TTF1: variants seen among roughly 807,000 people sequenced by gnomAD.
TTF1 encodes transcription termination factor, RNA polymerase I.
TTF1 carries 64 observed loss-of-function variants against 80.2 expected under a neutral mutation model. That is an observed-to-expected ratio of 0.80 (90% CI 0.65 to 0.98). The LOEUF is 0.98. Among genes scored for constraint, TTF1 ranks in the 50% least tolerant of loss-of-function variants. The pLI is 0.00. For synonymous variants in TTF1, 372 were observed against 382.7 expected (o/e 0.97, Z 0.33); for missense variants, 1,023 against 1,086.2 (o/e 0.94, Z 0.82).
At chr9:132,393,298 A>C (rs114494260) in intron 5 of TTF1, among the ~76,000 whole-genome samples, 1 of 150,824 alleles carries the variant, frequency 6.6e-6, no homozygotes, top group African/African-American at 2.4e-5. Context: ...CATAAACAGA[A>C]TCTCTGCAGC....
Position 132,396,095 on chromosome 9 carries a change from C to T in TTF1, c.1856+338G>A, listed in dbSNP as rs79587842. Among the ~76,000 whole-genome samples the T allele has an allele frequency of 9.6e-3, 1,457 of 152,226 alleles. 28 individuals carry two copies. The highest frequency in any genetic ancestry group is 0.034 in the African/African-American group (1,394 of 41,530). On this transcript the variant is annotated intron_variant, in intron 5 of 10. Transcript: ENST00000334270. ...GCTAAGTGCTGAATGGAACATGTGTCGAGATGGGATGTTTGGGTTCACAAG... is the reference window on the plus strand; with the variant it reads ...GCTAAGTGCTGAATGGAACATGTGTTGAGATGGGATGTTTGGGTTCACAAG...
intron 3 of TTF1, among the ~76,000 whole-genome samples, 173 bp downstream of exon 3, chr9:132,399,862 T>C (rs1392267842): frequency 6.6e-6 from 1 of 152,198 alleles, no homozygotes; most frequent in Non-Finnish European, 1.5e-5. Context: ...GAAAAGCAAG[T>C]GCACTTTATT....
intron 10 of TTF1, among the ~76,000 whole-genome samples, chr9:132,376,921 ACTC>A (rs1849189482): frequency 6.6e-6 from 1 of 151,242 alleles, no homozygotes; most frequent in East Asian, 1.9e-4. Flanking sequence ...ATGGTCTTGA[ACTC>A]CTCGTCTTAC....
intron 10 of TTF1, among the ~76,000 whole-genome samples, chr9:132,378,021 TGTGAGTGCATGTG>T (rs1849263354): frequency 8.0e-6 from 1 of 124,964 alleles, no homozygotes; most frequent in African/African-American, 3.2e-5. Context: ...ATGCATGTGG[TGTGAGTGCATGTG>T]GTGTGTGTGT....
At position 132,376,067 on chromosome 9, in the gene TTF1, G is replaced by A; in HGVS notation, c.2566C>T (p.Pro856Ser). ...KGTKIQTPAA[P>S]KQVFPFRDIF... is the part of the protein sequence containing the mutation. ...TCTCGAAATGGGAAAACTTGCTTGG[G>A]TGCTGCAGGAGTCTGGATTTTAGTG... is the stretch of plus-strand genomic sequence containing the variant. Residue 856 changes from proline (P) to serine (S), a missense_variant, in exon 11 of 11, where the codon CCC (proline) becomes TCC (serine). By Grantham distance (74) the Pro-to-Ser change is moderately conservative. Coordinates refer to ENST00000334270, the MANE Select transcript of TTF1 (RefSeq NM_007344.4). The A allele has an allele frequency of 1.2e-6, 2 of 1,614,180 alleles. No homozygotes were observed. Among genetic ancestry groups the A allele is most frequent in the Non-Finnish European group, 1.7e-6 (2 of 1,180,036 alleles).
Position 132,375,856 on chromosome 9 carries a change from C to G in TTF1, c.*59G>C, listed in dbSNP as rs1564180213. On this transcript the variant is annotated 3_prime_UTR_variant, in exon 11 of 11. Coordinates refer to ENST00000334270, the MANE Select transcript of TTF1 (RefSeq NM_007344.4). ...CACTACCACACCCGGCTAATTTTTG[C>G]ATTTTTAATAGTGACAGGTCTTCAC... 9.0e-7 allele frequency: 1 copy of G among 1,116,060 alleles called. No individual in the cohort carries two copies. Among genetic ancestry groups the G allele is most frequent in the Non-Finnish European group, 1.3e-6 (1 of 781,730 alleles). 69.1% of individuals were successfully genotyped at this position (1,116,060 alleles called of 1,614,324 possible). A position where few individuals can be genotyped will look rare whatever the true frequency, so the allele number is the denominator to read the frequency against.
Position 132,402,601 on chromosome 9 carries a change from T to C in TTF1, c.221A>G (p.Asp74Gly). Residue 74 changes from aspartate (D) to glycine (G), a missense_variant, in exon 2 of 11, where the codon GAT becomes GGT. Physicochemically the swap from Asp to Gly is moderately conservative, Grantham distance 94 (BLOSUM62 -1). Coordinates refer to ENST00000334270, the MANE Select transcript of TTF1 (RefSeq NM_007344.4). Reference protein sequence around the residue: ...SSPLKKSRICDETANATSTLK... With the variant: ...SSPLKKSRICGETANATSTLK... ...TGTGGAAGTGGCATTTGCAGTCTCA[T>C]CACAGATTCTGGATTTTTTCAAAGG... The C allele has an allele frequency of 1.2e-6, 2 of 1,613,730 alleles. No homozygotes were observed. The highest frequency in any genetic ancestry group is 1.7e-6 in the Non-Finnish European group (2 of 1,179,924).
At chr9:132,403,146 A>G (rs925057962) in intron 1 of TTF1, among the ~76,000 whole-genome samples, 1 of 152,222 alleles carries the variant, frequency 6.6e-6, no homozygotes, top group Non-Finnish European at 1.5e-5. Context: ...GGCGTCAGCC[A>G]CCGTGCCTGG....
rs746995102 is a variant in TTF1 at position 132,400,105 on chromosome 9, G to C, written c.1521C>G (p.Asp507Glu). The C allele has an allele frequency of 1.2e-6, 2 of 1,614,012 alleles. No individual in the cohort carries two copies. The highest frequency in any genetic ancestry group is 1.7e-6 in the Non-Finnish European group (2 of 1,180,034). The change falls in exon 3 of 11, where the codon GAC becomes GAG. Residue 507 changes from aspartate to glutamate, a missense_variant. Asp to Glu is a conservative substitution (Grantham distance 45). Coordinates refer to ENST00000334270, the MANE Select transcript of TTF1 (RefSeq NM_007344.4). ...QLQEFIPNIKDRATSTIKRMY... is the reference protein window; with the variant it reads ...QLQEFIPNIKERATSTIKRMY... ...TCCGCTTGATTGTGCTGGTGGCCCT[G>C]TCCTTGATGTTAGGAATGAACTCCT...
intron 2 of TTF1, 79 bp from the exon 3 acceptor site, chr9:132,400,337 T>A: frequency 6.4e-6 from 8 of 1,244,758 alleles, no homozygotes; most frequent in Non-Finnish European, 9.2e-6. Flanking sequence ...CCTTCTTTTT[T>A]TTCGTGAGAC....
chr9:132,382,642 G>T (rs905553580), intron 9 of TTF1, among the ~76,000 whole-genome samples: 1 of 152,010 alleles, frequency 6.6e-6, no homozygotes, highest in Non-Finnish European at 1.5e-5. Flanking sequence ...TTAAAAGACA[G>T]TAAGGAAGGC....
Position 132,400,198 on chromosome 9 carries a change from G to T in TTF1, c.1428C>A (p.Tyr476Ter). The T allele has an allele frequency of 6.2e-7, 1 of 1,614,208 alleles. No homozygotes were observed. Among genetic ancestry groups the T allele is most frequent in the South Asian group, 1.1e-5 (1 of 91,080 alleles). The stretch of plus-strand genomic sequence containing the variant: ...CGGCATCTCCTGAATCTGCAGATAA[G>T]TATCTTATTTCGGAATCTTCAGCTG... Reference protein sequence around the residue: ...VETAEDSEIRYLSADSGDADD... With the variant: ...VETAEDSEIR Residue 476 changes from tyrosine (Y) to a stop codon, truncating the protein, a stop_gained, in exon 3 of 11, where the codon TAC (tyrosine) becomes TAA (stop). Transcript: ENST00000334270. LOFTEE classifies it high-confidence loss of function.
At chr9:132,378,272 GGT>G (rs1216346866) in intron 10 of TTF1, among the ~76,000 whole-genome samples, 6 of 125,070 alleles carry the variant, frequency 4.8e-5, no homozygotes, top group Admixed American at 8.2e-5. Context: ...GAGTGCATGT[GGT>G]GTGTGAATGC....
chr9:132,375,871 C>G lies in TTF1; in HGVS notation c.*44G>C. 3 of 1,214,218 alleles carry G rather than the reference C, an allele frequency of 2.5e-6. No homozygotes were observed. The highest frequency in any genetic ancestry group is 3.5e-6 in the Non-Finnish European group (3 of 860,232). The allele number at this position is 1,214,218 out of a possible 1,614,324, so 75.2% of individuals were successfully genotyped here. A position where few individuals can be genotyped will look rare whatever the true frequency, so the allele number is the denominator to read the frequency against. ...CTAATTTTTGCATTTTTAATAGTGA[C>G]AGGTCTTCACCATGTTGGTCAGGCC... On this transcript the variant is annotated 3_prime_UTR_variant, in exon 11 of 11. Coordinates refer to ENST00000334270, the MANE Select transcript of TTF1 (RefSeq NM_007344.4).
At position 132,388,235 on chromosome 9, in the gene TTF1, T is replaced by G; in HGVS notation, c.2223-7A>C. ...CTTGGTTAGAATTTCTGTCCTACAT[T>G]AAAAGGAAGAAAAACATAGTTTACT... On this transcript the variant is annotated splice_region_variant and splice_polypyrimidine_tract_variant and intron_variant, in intron 7 of 10. Coordinates refer to ENST00000334270, the MANE Select transcript of TTF1 (RefSeq NM_007344.4). 1 of 1,583,640 alleles carries G rather than the reference T, an allele frequency of 6.3e-7. No individual in the cohort carries two copies.
At chr9:132,391,445 G>C (rs1849556072) in intron 6 of TTF1, among the ~76,000 whole-genome samples, 1 of 151,702 alleles carries the variant, frequency 6.6e-6, no homozygotes, top group African/African-American at 2.4e-5. Flanking sequence ...ATAACAATTT[G>C]GATGAATATT....
At chr9:132,393,073 T>G (rs1383860393) in intron 5 of TTF1, among the ~76,000 whole-genome samples, 2 of 152,194 alleles carry the variant, frequency 1.3e-5, no homozygotes, top group Admixed American at 1.3e-4. Context: ...AAGACACAGC[T>G]CTAGAAGGGA....
intron 10 of TTF1, among the ~76,000 whole-genome samples, chr9:132,377,980 C>T: frequency 1.0e-5 from 1 of 97,922 alleles, no homozygotes; most frequent in South Asian, 3.7e-4. Context: ...TGAGTGCATG[C>T]ATGTGGTGTG....
rs910309552 is a variant in TTF1 at position 132,384,495 on chromosome 9, A to G, written c.2378+2061T>C. Among the ~76,000 whole-genome samples, 3 of 152,210 alleles carry G rather than the reference A, an allele frequency of 2.0e-5. No homozygotes were observed. Among genetic ancestry groups the G allele is most frequent in the Non-Finnish European group, 4.4e-5 (3 of 68,040 alleles). On this transcript the variant is annotated intron_variant, in intron 9 of 10. Transcript: ENST00000334270. This position sits in a 1 kb window ranked among gnomAD's most constrained non-coding sequence, Gnocchi z 4.1. The stretch of plus-strand genomic sequence containing the variant: ...TATTCAAGCAGTAACAAAAGAGAGT[A>G]GGTATAAATAGCCAACATTAGCCAT...
Sources: gnomAD v4.1 joint callset for allele counts (sites outside exome capture counted in the v4.1 genomes callset) on GRCh38, gnomAD v4.1.1 for gene constraint, Gnocchi (gnomAD v3.1) non-coding constraint, MANE v1.5 for transcripts, NCBI Gene and HGNC (gene_info 2026-07-23, HGNC 2026-07-21) for gene names.